The following LRP1B variants were observed in gnomAD, a reference collection of about 807,000 sequenced individuals.
LRP1B encodes the protein LDL receptor related protein 1B.
A neutral mutation model predicts 556.6 loss-of-function variants in LRP1B; 217 were observed. The ratio of observed to expected loss-of-function variants is 0.39; its 90% CI spans 0.35 to 0.44. The LOEUF (loss-of-function observed/expected upper bound fraction) is 0.44, where lower values mean the gene tolerates loss of function less well. Among genes scored for constraint, LRP1B ranks in the 20% least tolerant of loss-of-function variants. LRP1B has a pLI of 1.00. For missense variants in LRP1B, 5,053 were observed against 5,620.8 expected (o/e 0.90, Z 3.23); for synonymous variants, 2,047 against 1,865.8 (o/e 1.10, Z -2.50).
chr2:141,972,868 A>G (rs756229218), intron 1 of LRP1B, among the ~76,000 whole-genome samples: 1 of 151,732 alleles, frequency 6.6e-6, no homozygotes, highest in Non-Finnish European at 1.5e-5. Context: ...TATAATTTTA[A>G]CAAGTTGTAT....
At chr2:141,819,203 A>G (rs1036664222) in intron 1 of LRP1B, among the ~76,000 whole-genome samples, 15 of 151,732 alleles carry the variant, frequency 9.9e-5, no homozygotes, top group Non-Finnish European at 1.5e-4. Context: ...ACGCCATTGT[A>G]CTCCAGCCTA....
At chr2:141,254,408 A>C in intron 4 of LRP1B, 114 bp downstream of exon 4, 1 of 1,043,008 alleles carries the variant, frequency 9.6e-7, no homozygotes, top group Non-Finnish European at 1.4e-6. Flanking sequence ...TCAAGAAAGA[A>C]AAGTTAACAT....
chr2:141,789,406 A>G (rs1052535969), intron 2 of LRP1B, among the ~76,000 whole-genome samples: 1 of 152,010 alleles, frequency 6.6e-6, no homozygotes, highest in Admixed American at 6.6e-5. Flanking sequence ...AACAGCCCAC[A>G]TACCACTTGT....
intron 62 of LRP1B, among the ~76,000 whole-genome samples, chr2:140,454,371 C>T (rs921429864): frequency 1.3e-5 from 2 of 151,924 alleles, no homozygotes; most frequent in Admixed American, 1.3e-4. Context: ...GGCGGCTCTC[C>T]AACTCCTGAC....
At chr2:141,248,709 T>C (rs770949503) in intron 4 of LRP1B, among the ~76,000 whole-genome samples, 1 of 152,164 alleles carries the variant, frequency 6.6e-6, no homozygotes, top group Non-Finnish European at 1.5e-5. Context: ...ACATTACACA[T>C]TGGCATTGGG....
intron 2 of LRP1B, among the ~76,000 whole-genome samples, chr2:141,673,327 T>G (rs977898121): frequency 2.0e-5 from 3 of 152,222 alleles, no homozygotes; most frequent in African/African-American, 4.8e-5. Flanking sequence ...GAAATGAATT[T>G]CACCTCCTTG....
intron 43 of LRP1B, among the ~76,000 whole-genome samples, chr2:140,542,218 TA>T (rs1680164060): frequency 1.3e-5 from 2 of 152,264 alleles, no homozygotes; most frequent in South Asian, 4.1e-4. Context: ...TTTATTTAAT[TA>T]TTCAATGTGT....
intron 41 of LRP1B, among the ~76,000 whole-genome samples, chr2:140,625,166 A>T (rs971578706): frequency 6.6e-6 from 1 of 152,174 alleles, no homozygotes; most frequent in African/African-American, 2.4e-5. Context: ...AGAAGGGTAG[A>T]AGCAGGTCAA....
At chr2:140,438,068 C>G (rs1210495171) in intron 66 of LRP1B, among the ~76,000 whole-genome samples, 1 of 152,136 alleles carries the variant, frequency 6.6e-6, no homozygotes, top group African/African-American at 2.4e-5. Context: ...ACCTAGGCTA[C>G]AGTACAGGTG....
intron 41 of LRP1B, among the ~76,000 whole-genome samples, chr2:140,648,334 T>G (rs990141955): frequency 6.6e-6 from 1 of 152,082 alleles, no homozygotes; most frequent in Non-Finnish European, 1.5e-5. Flanking sequence ...AAATACCTAA[T>G]GTAGATGACG....
At chr2:141,678,702 A>G (rs1440550299) in intron 2 of LRP1B, among the ~76,000 whole-genome samples, 1 of 152,174 alleles carries the variant, frequency 6.6e-6, no homozygotes, top group Non-Finnish European at 1.5e-5. Flanking sequence ...TATTCAACAG[A>G]AAAGTAGAAA....
intron 3 of LRP1B, among the ~76,000 whole-genome samples, chr2:141,377,713 T>C (rs1477333495): frequency 6.6e-6 from 1 of 151,850 alleles, no homozygotes. Context: ...TTAATTATTA[T>C]ATATAGAAAA....
intron 35 of LRP1B, among the ~76,000 whole-genome samples, chr2:140,754,900 CA>C (rs1275644560): frequency 1.3e-5 from 2 of 151,372 alleles, no homozygotes; most frequent in African/African-American, 2.4e-5. Flanking sequence ...AAAAGATCAA[CA>C]AATTTGACAA....
At chr2:141,469,199 T>A (rs6733988) in intron 3 of LRP1B, among the ~76,000 whole-genome samples, 7,912 of 152,156 alleles carry the variant, frequency 0.052, 274 homozygotes, top group South Asian at 0.17. Context: ...AGTTTGGAAA[T>A]GTATAATATA....
chr2:141,007,385 C>A (rs1395003791), intron 14 of LRP1B, among the ~76,000 whole-genome samples: 5 of 151,646 alleles, frequency 3.3e-5, no homozygotes, highest in African/African-American at 1.2e-4. Flanking sequence ...AAATTTAATT[C>A]ACTATGTTTA....
intron 7 of LRP1B, among the ~76,000 whole-genome samples, chr2:141,122,782 T>C (rs1165714662): frequency 6.6e-6 from 1 of 152,162 alleles, no homozygotes; most frequent in Non-Finnish European, 1.5e-5. Context: ...ATCATGCTGC[T>C]ATAAAGACAC....
At chr2:140,262,120 A>G (rs2104928455) in intron 86 of LRP1B, among the ~76,000 whole-genome samples, 1 of 152,206 alleles carries the variant, frequency 6.6e-6, no homozygotes, top group East Asian at 1.9e-4. Context: ...TGGACTTTCA[A>G]ATATTTGCTA....
At chr2:140,982,921 G>T (rs1696814489) in intron 17 of LRP1B, among the ~76,000 whole-genome samples, 1 of 151,718 alleles carries the variant, frequency 6.6e-6, no homozygotes, top group Admixed American at 6.6e-5. Flanking sequence ...TTTAATCAAG[G>T]TATATTAATG....
chr2:141,047,561 C>T (rs1040817768), intron 11 of LRP1B, among the ~76,000 whole-genome samples: 10 of 152,200 alleles, frequency 6.6e-5, no homozygotes, highest in African/African-American at 1.9e-4. Flanking sequence ...CACCAAACAA[C>T]GTGATCGATC....
Sources: allele counts gnomAD v4.1 joint callset (sites outside exome capture counted in the v4.1 genomes callset), GRCh38; gene constraint gnomAD v4.1.1; transcripts MANE v1.5; gene names NCBI Gene and HGNC (gene_info 2026-07-23, HGNC 2026-07-21).